The following ADGRV1 variants were observed in gnomAD, a reference collection of about 807,000 sequenced individuals.
ADGRV1 encodes adhesion G protein-coupled receptor V1, also known as G-protein coupled receptor 98.
Under a neutral mutation model 596.2 loss-of-function variants are expected in ADGRV1, and 359 were observed. The observed-to-expected ratio is 0.60, with a 90% CI of 0.55 to 0.66. The LOEUF is 0.66. ADGRV1 is among the 30% of genes least tolerant of loss of function. The pLI, the probability that ADGRV1 is intolerant of heterozygous loss-of-function variation, is 0.00. For synonymous variants in ADGRV1, 2,681 were observed against 2,679.2 expected (o/e 1.00, Z -0.02); for missense variants, 7,274 against 7,575.6 (o/e 0.96, Z 1.48).
intron 75 of ADGRV1, among the ~76,000 whole-genome samples, chr5:90,822,350 A>T (rs1040759949): frequency 2.0e-5 from 3 of 152,114 alleles, no homozygotes; most frequent in Middle Eastern, 3.2e-3. Context: ...GGTACCTCAG[A>T]TGGAAATGCA....
intron 83 of ADGRV1, among the ~76,000 whole-genome samples, chr5:90,942,917 T>C (rs1322137647): frequency 6.6e-6 from 1 of 152,102 alleles, no homozygotes; most frequent in African/African-American, 2.4e-5. Context: ...TGGTTACCTA[T>C]TGGTGATTTT....
At chr5:90,956,445 G>A (rs1777487419) in intron 83 of ADGRV1, among the ~76,000 whole-genome samples, 1 of 152,186 alleles carries the variant, frequency 6.6e-6, no homozygotes, top group Admixed American at 6.5e-5. Context: ...ACAAACCTTA[G>A]TGTGCTATCT....
intron 14 of ADGRV1, 34 bp from the exon 15 acceptor site, chr5:90,644,672 C>T: frequency 6.5e-7 from 1 of 1,548,968 alleles, no homozygotes; most frequent in Non-Finnish European, 8.7e-7. Flanking sequence ...TTTCGTATGT[C>T]TTCATATGTA....
At chr5:90,648,328 G>T (rs1768092466) in intron 17 of ADGRV1, among the ~76,000 whole-genome samples, 1 of 152,168 alleles carries the variant, frequency 6.6e-6, no homozygotes, top group Admixed American at 6.5e-5. Context: ...GAATGTTTTG[G>T]CTCTACCTTC....
intron 85 of ADGRV1, among the ~76,000 whole-genome samples, chr5:90,994,417 C>G (rs1204711588): frequency 6.6e-6 from 1 of 152,032 alleles, no homozygotes; most frequent in Non-Finnish European, 1.5e-5. Context: ...TTTATGATTT[C>G]TATCTCTTTA....
chr5:90,807,760 C>A, intron 73 of ADGRV1, 23 bp downstream of exon 73: 2 of 1,499,250 alleles, frequency 1.3e-6, no homozygotes, highest in Non-Finnish European at 9.0e-7. Context: ...TCATTCTCAC[C>A]CAAGAAATTC....
At chr5:90,849,191 C>A (rs1032752901) in intron 79 of ADGRV1, among the ~76,000 whole-genome samples, 2 of 152,064 alleles carry the variant, frequency 1.3e-5, no homozygotes, top group South Asian at 2.1e-4. Flanking sequence ...CAATCACAAA[C>A]AACTGTGATT....
intron 85 of ADGRV1, among the ~76,000 whole-genome samples, chr5:91,013,756 G>A (rs1782919177): frequency 6.6e-6 from 1 of 152,166 alleles, no homozygotes; most frequent in Middle Eastern, 3.4e-3. Flanking sequence ...GATTGCTGTT[G>A]TTGTCTTTGT....
At chr5:90,913,361 T>C (rs1773069432) in intron 83 of ADGRV1, among the ~76,000 whole-genome samples, 1 of 152,212 alleles carries the variant, frequency 6.6e-6, no homozygotes, top group Non-Finnish European at 1.5e-5. Flanking sequence ...TTCTAGACTT[T>C]TTACTATAAT....
chr5:90,923,900 G>A (rs1218552686), intron 83 of ADGRV1, among the ~76,000 whole-genome samples: 8 of 151,664 alleles, frequency 5.3e-5, no homozygotes, highest in Middle Eastern at 3.4e-3. Flanking sequence ...TTGTTCTTGC[G>A]ATAGTTTACT....
intron 85 of ADGRV1, among the ~76,000 whole-genome samples, chr5:91,006,668 C>G (rs1782305784): frequency 6.6e-6 from 1 of 152,114 alleles, no homozygotes; most frequent in Non-Finnish European, 1.5e-5. Flanking sequence ...ACAACAAAGA[C>G]AGAATCCTCA....
chr5:90,621,429 A>G (rs956619185), intron 4 of ADGRV1, among the ~76,000 whole-genome samples: 5 of 152,212 alleles, frequency 3.3e-5, no homozygotes, highest in Non-Finnish European at 7.3e-5. Context: ...TGTCATTTAC[A>G]GACATTAAGT....
intron 77 of ADGRV1, 68 bp downstream of exon 77, chr5:90,829,254 CAT>C: frequency 9.1e-6 from 11 of 1,203,934 alleles, no homozygotes; most frequent in Non-Finnish European, 1.2e-5. Flanking sequence ...AGAGTAATGA[CAT>C]AGGGAATAAT....
chr5:91,030,965 G>A, intron 85 of ADGRV1: 1 of 1,235,980 alleles, frequency 8.1e-7, no homozygotes, highest in Non-Finnish European at 1.1e-6. Context: ...GTAATCAAAG[G>A]AAAAAACGTC....
At chr5:90,741,424 A>G (rs1370163084) in intron 50 of ADGRV1, among the ~76,000 whole-genome samples, 1 of 152,068 alleles carries the variant, frequency 6.6e-6, no homozygotes, top group Non-Finnish European at 1.5e-5. Flanking sequence ...CTTTCATCAT[A>G]TATTTGTTTA....
intron 52 of ADGRV1, among the ~76,000 whole-genome samples, chr5:90,747,848 A>G (rs1754800006): frequency 1.3e-5 from 2 of 152,214 alleles, no homozygotes; most frequent in Non-Finnish European, 2.9e-5. Context: ...GCCTTTAAGG[A>G]TAGCAGTCAG....
At chr5:90,880,456 G>A (rs1769652872) in intron 83 of ADGRV1, among the ~76,000 whole-genome samples, 1 of 152,190 alleles carries the variant, frequency 6.6e-6, no homozygotes, top group Non-Finnish European at 1.5e-5. Flanking sequence ...GAAAACATCA[G>A]TGACACACAT....
chr5:90,645,983 G>A lies in ADGRV1; in HGVS notation c.2914G>A (p.Glu972Lys), dbSNP rs766455509. The A allele has an allele frequency of 6.3e-7, 1 of 1,590,966 alleles. No homozygotes were observed. Among genetic ancestry groups the A allele is most frequent in the South Asian group, 1.2e-5 (1 of 85,652 alleles). The change falls in exon 16 of 90, where the codon GAA becomes AAA. Residue 972 changes from glutamate to lysine, a missense_variant. Glu to Lys is a moderately conservative substitution (Grantham distance 56). Coordinates refer to ENST00000405460, the MANE Select transcript of ADGRV1 (RefSeq NM_032119.4). ...SLPDEIPEEM[E>K]EFTVILLNGT... ...TTTTCCAAAGATTCCAGAAGAAATG[G>A]AAGAATTTACCGTTATCCTACTGAA...
chr5:90,989,255 C>A (rs997556035), intron 85 of ADGRV1, among the ~76,000 whole-genome samples: 10 of 152,046 alleles, frequency 6.6e-5, no homozygotes, highest in Non-Finnish European at 1.3e-4. Flanking sequence ...ACAGTCCCAC[C>A]AACAGTGTAA....
Sources: gnomAD v4.1 joint callset for allele counts (sites outside exome capture counted in the v4.1 genomes callset) on GRCh38, gnomAD v4.1.1 for gene constraint, MANE v1.5 for transcripts, NCBI Gene and HGNC (gene_info 2026-07-23, HGNC 2026-07-21) for gene names.